The following IGF2 variants were observed in gnomAD, a reference collection of about 807,000 sequenced individuals.
The protein encoded by IGF2 is insulin-like growth factor 2.
Under a neutral mutation model 12.0 loss-of-function variants are expected in IGF2, and 2 were observed. The observed-to-expected ratio is 0.17, with a 90% CI of 0.07 to 0.52. IGF2 has a LOEUF of 0.52. IGF2 is among the 20% of genes least tolerant of loss of function. IGF2 has a pLI of 0.95. For synonymous variants in IGF2, 105 were observed against 110.1 expected (o/e 0.95, Z 0.29); for missense variants, 211 against 268.0 (o/e 0.79, Z 1.48).
At chr11:2,137,412 C>T (rs923323477) in intron 1 of IGF2, 1 of 189,586 alleles carries the variant, frequency 5.3e-6, no homozygotes, top group African/African-American at 2.4e-5. Context: ...CCCTCTCCCT[C>T]CTCCCAGCCA....
rs749413963 is a variant in IGF2 at position 2,133,487 on chromosome 11, G to C, written c.306+30C>G. On this transcript the variant is annotated intron_variant, in intron 3 of 3. Coordinates refer to ENST00000416167, the MANE Select transcript of IGF2 (RefSeq NM_000612.6). The surrounding 1 kb of genome is among the most constrained non-coding windows in gnomAD (Gnocchi z 8.9). ...CCGAAGCCCTATTTCTCTGTCTCTA[G>C]AGAGTGGGAAAGGGGCCCAGGACCC... 1.3e-6 allele frequency: 2 copies of C among 1,598,778 alleles called. No individual in the cohort carries two copies. The highest frequency in any genetic ancestry group is 4.5e-5 in the East Asian group (2 of 44,564).
At chr11:2,138,169 C>A (rs1470973120) in intron 1 of IGF2, 60 bp downstream of exon 1, 74 of 963,846 alleles carry the variant, frequency 7.7e-5, no homozygotes, top group Non-Finnish European at 8.5e-5. Flanking sequence ...GGCCGGGCGT[C>A]CGGCGCAAGC....
chr11:2,135,539 G>A lies in IGF2; in HGVS notation c.-6-10C>T. ...GGATTCCCATTGGTGTCTGGGGGCG[G>A]GAGAGAAGTGGCGTGAGCGGGGCAG... On this transcript the variant is annotated splice_polypyrimidine_tract_variant and intron_variant, in intron 1 of 3. Coordinates refer to ENST00000416167, the MANE Select transcript of IGF2 (RefSeq NM_000612.6). 1 of 1,610,886 alleles carries A rather than the reference G, an allele frequency of 6.2e-7. No individual in the cohort carries two copies.
At chr11:2,144,414 G>T (rs972027189), upstream of IGF2, among the ~76,000 whole-genome samples, 1 of 152,232 alleles carries the variant, frequency 6.6e-6, no homozygotes, top group African/African-American at 2.4e-5. Context: ...GCCTGCCCCG[G>T]AGCTTTGCGC....
the IGF2 span, chr11:2,149,548 C>T: frequency 2.9e-3 from 1,766 of 608,018 alleles, 26 homozygotes; most frequent in African/African-American, 0.029. Flanking sequence ...AGTGCTGAGG[C>T]CGCTGGGGCA....
rs1034807054 is a variant in IGF2 at position 2,131,217 on chromosome 11, G to A, written c.*1770C>T. 8.2e-5 allele frequency: 19 copies of A among 233,062 alleles called. No homozygotes were observed. The highest frequency in any genetic ancestry group is 1.3e-4 in the Non-Finnish European group (15 of 117,988). The allele number at this position is 233,062 out of a possible 1,614,324, so 14.4% of individuals were successfully genotyped here. On this transcript the variant is annotated 3_prime_UTR_variant, in exon 4 of 4. Transcript: ENST00000416167. ...ACCCTACGGGTGTATCCCAAATGCC[G>A]CCGGCCGCACACTCAGGCCGCACCA...
chr11:2,139,927 A>G (rs1476279798), upstream of IGF2, among the ~76,000 whole-genome samples: 1 of 152,084 alleles, frequency 6.6e-6, no homozygotes, highest in Non-Finnish European at 1.5e-5. Context: ...CTGCCCCAGC[A>G]GGAGGAGCCG....
chr11:2,137,107 G>C (rs1228767756), intron 1 of IGF2: 1 of 435,228 alleles, frequency 2.3e-6, no homozygotes, highest in Non-Finnish European at 3.1e-6. Flanking sequence ...CGAGGCCCAG[G>C]CGTGGGCCGT....
chr11:2,143,320 T>G (rs1859710225), upstream of IGF2, among the ~76,000 whole-genome samples: 1 of 98,386 alleles, frequency 1.0e-5, no homozygotes, highest in Admixed American at 1.7e-4. Flanking sequence ...ACAGCAAATG[T>G]CCCATGCTGA....
upstream of IGF2, among the ~76,000 whole-genome samples, chr11:2,145,577 A>T (rs1442074397): frequency 6.6e-6 from 1 of 152,196 alleles, no homozygotes; most frequent in Non-Finnish European, 1.5e-5. Context: ...TGCCCTGCCG[A>T]GGTGCCTTCC....
chr11:2,133,968 C>A lies in IGF2; in HGVS notation c.158-303G>T, dbSNP rs1308969675. ...AGAGGGACACCACCAGGACCAAAGG[C>A]TCACAATGGGAGTGGTTTGGAAAAT... On this transcript the variant is annotated intron_variant, in intron 2 of 3. Coordinates refer to ENST00000416167, the MANE Select transcript of IGF2 (RefSeq NM_000612.6). This position sits in a 1 kb window ranked among gnomAD's most constrained non-coding sequence, Gnocchi z 8.9. 6.6e-6 allele frequency among the ~76,000 whole-genome samples: 1 copy of A among 152,250 alleles called. No individual in the cohort carries two copies. Among genetic ancestry groups the A allele is most frequent in the Non-Finnish European group, 1.5e-5 (1 of 68,042 alleles).
At chr11:2,149,519 A>G in the IGF2 span, 3 of 654,492 alleles carry the variant, frequency 4.6e-6, no homozygotes, top group Admixed American at 2.8e-5. Flanking sequence ...GAATTTGGGG[A>G]GCTTTGTGCC....
chr11:2,140,360 C>G, upstream of IGF2: 1 of 1,452,766 alleles, frequency 6.9e-7, no homozygotes. Flanking sequence ...AAACCACGCA[C>G]AAAATCCCGC....
Position 2,138,547 on chromosome 11 carries a change from A to C in IGF2, c.-325T>G, listed in dbSNP as rs536815314. ...GGGGGGCAGAGATAGTGGGAGAGAC[A>C]GAGTGAACGTGAAAGGGGGGGGCCG... On this transcript the variant is annotated 5_prime_UTR_variant, in exon 1 of 4. Transcript: ENST00000416167. 2 of 473,922 alleles carry C rather than the reference A, an allele frequency of 4.2e-6. No homozygotes were observed. Among genetic ancestry groups the C allele is most frequent in the Middle Eastern group, 1.1e-3 (1 of 882 alleles). 29.4% of individuals were successfully genotyped at this position (473,922 alleles called of 1,614,324 possible). A position where few individuals can be genotyped will look rare whatever the true frequency, so the allele number is the denominator to read the frequency against.
chr11:2,133,583 C>T lies in IGF2; in HGVS notation c.240G>A (p.Leu80=), dbSNP rs148165917. Reference sequence around the variant, plus strand: ...TGGCGGGGGTAGCACAGTACGTCTCCAGGAGGGCCAGGTCACAGCTGCGGA... The same window carrying T: ...TGGCGGGGGTAGCACAGTACGTCTCTAGGAGGGCCAGGTCACAGCTGCGGA... The part of the protein sequence containing the change: ...CCFRSCDLAL[L]ETYCATPAKS... The change falls in exon 3 of 4, where the codon CTG becomes CTA. Residue 80 remains leucine, a synonymous_variant. Transcript: ENST00000416167. This position sits in a 1 kb window ranked among gnomAD's most constrained non-coding sequence, Gnocchi z 8.9. 996 of 1,612,920 alleles carry T rather than the reference C, an allele frequency of 6.2e-4. 1 individual carries two copies. Among genetic ancestry groups the T allele is most frequent in the Non-Finnish European group, 8.1e-4 (951 of 1,180,010 alleles).
Position 2,131,611 on chromosome 11 carries a change from T to C in IGF2, c.*1376A>G, listed in dbSNP as rs1006367915. The C allele has an allele frequency of 7.5e-5, 4 of 53,162 alleles. No homozygotes were observed. The highest frequency in any genetic ancestry group is 1.8e-4 in the Non-Finnish European group (3 of 16,458). The allele number at this position is 53,162 out of a possible 1,614,324, so 3.3% of individuals were successfully genotyped here. A position where few individuals can be genotyped will look rare whatever the true frequency, so the allele number is the denominator to read the frequency against. ...ATGTGTGCTGTGCATGCGTGTGTGC[T>C]GTGTGTGCATGTGTGTGCTGTGTGC... is the stretch of plus-strand genomic sequence containing the variant. On this transcript the variant is annotated 3_prime_UTR_variant, in exon 4 of 4. Transcript: ENST00000416167.
At position 2,138,927 on chromosome 11, in the gene IGF2, C is replaced by T; in HGVS notation, c.-705G>A. On this transcript the variant is annotated 5_prime_UTR_variant, in exon 1 of 4. Transcript: ENST00000416167. ...GGGCGCCCAGCTCGGTTTGGGCCGACGGAGCCCTCTGCCGTCGCGAGCCCG... is the reference window on the plus strand; with the variant it reads ...GGGCGCCCAGCTCGGTTTGGGCCGATGGAGCCCTCTGCCGTCGCGAGCCCG... 2 of 984,388 alleles carry T rather than the reference C, an allele frequency of 2.0e-6. No individual in the cohort carries two copies. Among genetic ancestry groups the T allele is most frequent in the Non-Finnish European group, 2.4e-6 (2 of 829,484 alleles). The allele number at this position is 984,388 out of a possible 1,614,324, so 61.0% of individuals were successfully genotyped here.
At position 2,133,763 on chromosome 11, in the gene IGF2, A is replaced by G. The variant is rs1045722222; in HGVS notation, c.158-98T>C. 1.4e-6 allele frequency: 2 copies of G among 1,430,296 alleles called. No individual in the cohort carries two copies. The highest frequency in any genetic ancestry group is 4.5e-5 in the Admixed American group (2 of 44,138). 88.6% of individuals were successfully genotyped at this position (1,430,296 alleles called of 1,614,324 possible). On this transcript the variant is annotated intron_variant, in intron 2 of 3. Transcript: ENST00000416167. The surrounding 1 kb of genome is among the most constrained non-coding windows in gnomAD (Gnocchi z 8.9). ...AGCAAACCACCCCTGCCCTCAGGCC[A>G]GGCCCTGGAAGGACGCAGCCACCCT... is the stretch of plus-strand genomic sequence containing the variant.
chr11:2,133,287 G>T lies in IGF2; in HGVS notation c.307-64C>A. 8.1e-7 allele frequency: 1 copy of T among 1,229,260 alleles called. No individual in the cohort carries two copies. Among genetic ancestry groups the T allele is most frequent in the Non-Finnish European group, 1.1e-6 (1 of 885,930 alleles). The allele number at this position is 1,229,260 out of a possible 1,614,324, so 76.1% of individuals were successfully genotyped here. A position where few individuals can be genotyped will look rare whatever the true frequency, so the allele number is the denominator to read the frequency against. ...CCACGCTCTTCCGCCTGAGCCGCCC[G>T]CCTGACCTGACAGGCCACCCCTGTG... is the stretch of plus-strand genomic sequence containing the variant. On this transcript the variant is annotated intron_variant, in intron 3 of 3. Transcript: ENST00000416167. The surrounding 1 kb of genome is among the most constrained non-coding windows in gnomAD (Gnocchi z 8.9).
Sources: allele counts gnomAD v4.1 joint callset (sites outside exome capture counted in the v4.1 genomes callset), GRCh38; gene constraint gnomAD v4.1.1; non-coding constraint Gnocchi (gnomAD v3.1); transcripts MANE v1.5; gene names NCBI Gene and HGNC (gene_info 2026-07-23, HGNC 2026-07-21).